GAB1: variants seen among roughly 807,000 people sequenced by gnomAD.
The protein encoded by GAB1 is GRB2-associated-binding protein 1.
A neutral mutation model predicts 66.5 loss-of-function variants in GAB1; 19 were observed. That is an observed-to-expected ratio of 0.29 (90% confidence interval 0.20 to 0.42). GAB1 has a LOEUF of 0.42. Ranked by LOEUF, GAB1 falls within the 10% of genes least tolerant of loss-of-function variation. The pLI is 1.00. For missense variants in GAB1, 732 were observed against 858.5 expected (o/e 0.85, Z 1.84); for synonymous variants, 294 against 301.4 (o/e 0.98, Z 0.25).
At chr4:143,452,238 T>C (rs1251630430) in intron 6 of GAB1, among the ~76,000 whole-genome samples, 1 of 152,150 alleles carries the variant, frequency 6.6e-6, no homozygotes, top group Admixed American at 6.5e-5. Flanking sequence ...CCACTGTGCG[T>C]GGCCTGCAAT....
At chr4:143,424,870 A>T (rs1012679710) in intron 2 of GAB1, 6 of 448,984 alleles carry the variant, frequency 1.3e-5, no homozygotes, top group Non-Finnish European at 2.4e-5. Flanking sequence ...CAGGAGAATC[A>T]CTTGAACCAG....
At chr4:143,459,323 A>G in intron 6 of GAB1, 62 bp from the exon 7 acceptor site, 1 of 936,386 alleles carries the variant, frequency 1.1e-6, no homozygotes, top group East Asian at 2.4e-5. Context: ...ACAGAGAGAG[A>G]ATCTTGTTTG....
At chr4:143,437,871 C>G (rs746128019) in intron 3 of GAB1, 128 bp from the exon 4 acceptor site, 2 of 914,836 alleles carry the variant, frequency 2.2e-6, no homozygotes, top group Non-Finnish European at 3.3e-6. Context: ...GCTTTAAATC[C>G]TATGGATCAC....
Position 143,427,531 on chromosome 4 carries a change from C to T in GAB1, c.368-5960C>T, listed in dbSNP as rs1733428748. ...CAGGGAGAGGGAGGCCAAAGCCTGA[C>T]TGGTAAAAAAAAAAAACAACAACAA... On this transcript the variant is annotated intron_variant, in intron 2 of 9. Coordinates refer to ENST00000262994, the MANE Select transcript of GAB1 (RefSeq NM_002039.4). 2.0e-5 allele frequency among the ~76,000 whole-genome samples: 3 copies of T among 151,530 alleles called. No individual in the cohort carries two copies. The South Asian group carries it at 6.3e-4, about 32-fold the overall frequency.
chr4:143,462,318 T>A (rs1578755468), intron 8 of GAB1, among the ~76,000 whole-genome samples: 1 of 152,074 alleles, frequency 6.6e-6, no homozygotes, highest in African/African-American at 2.4e-5. Flanking sequence ...TCGGTCAGAG[T>A]AGATATTGTC....
intron 1 of GAB1, among the ~76,000 whole-genome samples, chr4:143,397,651 A>G (rs1731518866): frequency 6.6e-6 from 1 of 152,196 alleles, no homozygotes; most frequent in African/African-American, 2.4e-5. Context: ...TATTTGAGCT[A>G]TTTTACCCTC....
chr4:143,446,943 C>G (rs1274597444), intron 6 of GAB1, among the ~76,000 whole-genome samples: 1 of 151,878 alleles, frequency 6.6e-6, no homozygotes, highest in African/African-American at 2.4e-5. Flanking sequence ...ACGTTTAAGT[C>G]TTTAATCCAT....
intron 1 of GAB1, among the ~76,000 whole-genome samples, chr4:143,385,415 A>C (rs550276641): frequency 6.6e-6 from 1 of 152,320 alleles, no homozygotes; most frequent in East Asian, 1.9e-4. Context: ...AATCTTTATG[A>C]AAAGATGCCC....
chr4:143,374,688 A>G (rs754074651), intron 1 of GAB1, among the ~76,000 whole-genome samples: 6 of 152,184 alleles, frequency 3.9e-5, no homozygotes, highest in Non-Finnish European at 8.8e-5. Flanking sequence ...AAGTGCTGCC[A>G]TACAGTCTTG....
Position 143,440,298 on chromosome 4 carries a change from C to A in GAB1, c.1501C>A (p.Pro501Thr), listed in dbSNP as rs1344385596. Residue 501 changes from proline to threonine, a missense_variant, in exon 6 of 10, where the codon CCA (proline) becomes ACA (threonine). By Grantham distance (38) the Pro-to-Thr change is conservative. This residue lies in a region of GAB1 where 204 missense variants were observed against 276.8 expected (regional missense o/e 0.74). Coordinates refer to ENST00000262994, the MANE Select transcript of GAB1 (RefSeq NM_002039.4). ...TGCTCATATGGGCTTCAGGTCCAGC[C>A]CAAAAACCCCTCCCAGAAGGCCAGT... is the stretch of plus-strand genomic sequence containing the variant. ...PPAHMGFRSS[P>T]KTPPRRPVPV... The A allele has an allele frequency of 2.5e-6, 4 of 1,613,946 alleles. No homozygotes were observed. The African/African-American group carries it at 5.3e-5, about 22-fold the overall frequency.
At chr4:143,423,779 A>T (rs1203691580) in intron 2 of GAB1, among the ~76,000 whole-genome samples, 3 of 125,940 alleles carry the variant, frequency 2.4e-5, no homozygotes, top group Non-Finnish European at 5.0e-5. Context: ...CCATCTCAAA[A>T]AAAAAAAAAA....
intron 6 of GAB1, among the ~76,000 whole-genome samples, chr4:143,447,475 C>G (rs1335696257): frequency 6.6e-6 from 1 of 152,106 alleles, no homozygotes; most frequent in Non-Finnish European, 1.5e-5. Flanking sequence ...TTTCTTTGAG[C>G]AGTGGTTTGT....
At chr4:143,408,351 C>T (rs1391943824) in intron 1 of GAB1, among the ~76,000 whole-genome samples, 18 of 152,116 alleles carry the variant, frequency 1.2e-4, no homozygotes, top group Admixed American at 1.2e-3. Context: ...ATATGAGACT[C>T]ATCTGGCCCT....
chr4:143,417,807 T>C (rs891453882), intron 2 of GAB1, among the ~76,000 whole-genome samples: 1 of 152,148 alleles, frequency 6.6e-6, no homozygotes, highest in African/African-American at 2.4e-5. Flanking sequence ...TACAAAGTAG[T>C]TTTGTAGAGC....
intron 1 of GAB1, among the ~76,000 whole-genome samples, chr4:143,389,854 CAAAAG>C (rs1197195050): frequency 6.6e-6 from 1 of 152,110 alleles, no homozygotes; most frequent in Non-Finnish European, 1.5e-5. Flanking sequence ...GATGTAAAGA[CAAAAG>C]AAGCTTATCT....
At chr4:143,464,847 GCA>G (rs1449866879) in intron 8 of GAB1, among the ~76,000 whole-genome samples, 1 of 152,094 alleles carries the variant, frequency 6.6e-6, no homozygotes, top group Non-Finnish European at 1.5e-5. Flanking sequence ...TTTCCCTAAG[GCA>G]CAGTTTTTTC....
chr4:143,423,538 A>T lies in GAB1; in HGVS notation c.367+7767A>T, dbSNP rs181783001. Among the ~76,000 whole-genome samples the T allele has an allele frequency of 2.8e-3, 432 of 151,992 alleles. 4 individuals carry two copies. Among genetic ancestry groups the T allele is most frequent in the Admixed American group, 0.025 (382 of 15,248 alleles). On this transcript the variant is annotated intron_variant, in intron 2 of 9. Transcript: ENST00000262994. ...CAGTGAAACCCCATCTCTACTAAAA[A>T]TACAAAAAAATTAGCCAGGCGTTGG...
intron 6 of GAB1, among the ~76,000 whole-genome samples, chr4:143,458,850 CTG>C (rs1170172830): frequency 2.6e-5 from 4 of 151,892 alleles, no homozygotes; most frequent in African/African-American, 9.7e-5. Context: ...TGTTTCCAGA[CTG>C]TGCATGAATT....
intron 2 of GAB1, among the ~76,000 whole-genome samples, chr4:143,421,718 A>G (rs949189533): frequency 1.8e-5 from 1 of 54,282 alleles, no homozygotes; most frequent in Non-Finnish European, 4.1e-5. Context: ...TTTTTTGCAT[A>G]TTTCCAAGCC....
Sources: gnomAD v4.1 joint callset for allele counts (sites outside exome capture counted in the v4.1 genomes callset) on GRCh38, gnomAD v4.1.1 for gene constraint, gnomAD v4.1.1 regional missense constraint, MANE v1.5 for transcripts, NCBI Gene and HGNC (gene_info 2026-07-23, HGNC 2026-07-21) for gene names.